DNAAF6: variants seen among roughly 807,000 people sequenced by gnomAD.
DNAAF6 encodes the protein PIH1 domain containing 3.
DNAAF6 carries 3 observed loss-of-function variants against 13.7 expected under a neutral mutation model. That is an observed-to-expected ratio of 0.22 (90% CI 0.10 to 0.56). The LOEUF (loss-of-function observed/expected upper bound fraction) is 0.56, where lower values mean the gene tolerates loss of function less well. Among genes scored for constraint, DNAAF6 ranks in the 20% least tolerant of loss-of-function variants. The probability of loss-of-function intolerance (pLI) is 0.92; values close to 1 mark genes in which losing one functional copy is unlikely to be tolerated. For synonymous variants in DNAAF6, 54 were observed against 49.2 expected (o/e 1.10, Z -0.41); for missense variants, 130 against 151.0 (o/e 0.86, Z 0.73).
At chrX:107,219,599 T>C (rs1424230797) in intron 4 of DNAAF6, among the ~76,000 whole-genome samples, 2 of 111,790 alleles carry the variant, frequency 1.8e-5, no homozygotes, top group African/African-American at 6.5e-5. Flanking sequence ...AATATATTTA[T>C]ATACATAGAT....
chrX:107,224,084 C>T (rs1313386319), intron 5 of DNAAF6, among the ~76,000 whole-genome samples: 1 of 111,233 alleles, frequency 9.0e-6, no homozygotes, highest in African/African-American at 3.3e-5. Flanking sequence ...ATCTTGGAAA[C>T]TAAATCATAC....
At chrX:107,242,620 A>G (rs898444222) in intron 6 of DNAAF6, among the ~76,000 whole-genome samples, 2 of 112,769 alleles carry the variant, frequency 1.8e-5, no homozygotes, top group Non-Finnish European at 3.8e-5. Context: ...AAACCTAGCA[A>G]TCTATCACAG....
intron 5 of DNAAF6, among the ~76,000 whole-genome samples, chrX:107,230,459 G>C (rs1928363134): frequency 9.0e-6 from 1 of 111,475 alleles, no homozygotes. Flanking sequence ...GAGGCGGGTG[G>C]ATCACCTGAG....
In DNAAF6 at chrX:107,227,283, G is replaced by A. The variant is rs951977388; in HGVS notation, c.429+4442G>A. On this transcript the variant is annotated intron_variant, in intron 5 of 6. Transcript: ENST00000372453. ...ATTTTTGTATTTTTAGTAGAGATGG[G>A]GTTTCACCATGTTGGCCAGGCTGGT... Among the ~76,000 whole-genome samples, 15 of 110,834 alleles carry A rather than the reference G, an allele frequency of 1.4e-4. No individual in the cohort carries two copies. The Admixed American group carries it at 1.4e-3, about 11-fold the overall frequency.
chrX:107,238,818 T>C, intron 5 of DNAAF6, 104 bp from the exon 6 acceptor site: 10 of 1,112,006 alleles, frequency 9.0e-6, no homozygotes, highest in Non-Finnish European at 1.1e-5. Flanking sequence ...GCCTGGCACA[T>C]AGTTGACAAT....
At chrX:107,242,431 T>C (rs772403758) in intron 6 of DNAAF6, among the ~76,000 whole-genome samples, 24 of 112,412 alleles carry the variant, frequency 2.1e-4, no homozygotes, top group Non-Finnish European at 4.3e-4. Context: ...TCAGACCTTC[T>C]CTACTGAAAA....
chrX:107,207,897 C>T (rs775742704), intron 1 of DNAAF6, among the ~76,000 whole-genome samples: 1 of 110,861 alleles, frequency 9.0e-6, no homozygotes, highest in Non-Finnish European at 1.9e-5. Flanking sequence ...CTAGCCTGGG[C>T]GACAGAGTGA....
Position 107,243,056 on chromosome X carries a change from T to TG in DNAAF6, c.516-104dup, listed in dbSNP as rs373519426. 0.19 allele frequency: 135,099 copies of TG among 720,123 alleles called. 9,468 individuals are homozygous for TG. The highest frequency in any genetic ancestry group is 0.48 in the African/African-American group (19,467 of 40,899). 59.3% of individuals were successfully genotyped at this position (720,123 alleles called of 1,213,427 possible). ...TCCAATATTTACACTATCTAAATAT[T>TG]GGGGGGGGGTTGTTTTCTAACACTC... On this transcript the variant is annotated intron_variant, in intron 6 of 6. Coordinates refer to ENST00000372453, the MANE Select transcript of DNAAF6 (RefSeq NM_173494.2).
At position 107,229,294 on chromosome X, in the gene DNAAF6, C is replaced by T. The variant is rs181851057; in HGVS notation, c.429+6453C>T. Among the ~76,000 whole-genome samples the T allele has an allele frequency of 6.5e-3, 700 of 107,223 alleles. 18 individuals are homozygous for T. Among genetic ancestry groups the T allele is most frequent in the Admixed American group, 0.062 (613 of 9,955 alleles). The allele number at this position is 107,223 out of a possible 115,157, so 93.1% of individuals were successfully genotyped here. On this transcript the variant is annotated intron_variant, in intron 5 of 6. Coordinates refer to ENST00000372453, the MANE Select transcript of DNAAF6 (RefSeq NM_173494.2). ...CTAGGACAACAGGCACGCGCCACTACGCCTGGCTAATTTTCATATTTTTAG... is the reference window on the plus strand; with the variant it reads ...CTAGGACAACAGGCACGCGCCACTATGCCTGGCTAATTTTCATATTTTTAG...
intron 5 of DNAAF6, among the ~76,000 whole-genome samples, chrX:107,234,996 C>T (rs889823854): frequency 8.9e-6 from 1 of 111,834 alleles, no homozygotes; most frequent in Non-Finnish European, 1.9e-5. Flanking sequence ...TTGAAACTCA[C>T]AATAATAATC....
intron 5 of DNAAF6, among the ~76,000 whole-genome samples, chrX:107,235,456 G>A (rs952652358): frequency 9.0e-6 from 1 of 111,128 alleles, no homozygotes; most frequent in South Asian, 3.9e-4. Flanking sequence ...TCTAAAAAAG[G>A]CATTGCTTCT....
chrX:107,231,248 A>C (rs1405140680), intron 5 of DNAAF6, among the ~76,000 whole-genome samples: 1 of 111,742 alleles, frequency 8.9e-6, no homozygotes, highest in East Asian at 2.8e-4. Flanking sequence ...TTTCTCACTT[A>C]TTTGTGGGAT....
rs1040586293 is a variant in DNAAF6, at chrX:107,217,174, A to G, written c.226+431A>G. Among the ~76,000 whole-genome samples, 5 of 112,048 alleles carry G rather than the reference A, an allele frequency of 4.5e-5. No homozygotes were observed. The East Asian group carries it at 1.1e-3, about 25-fold the overall frequency. ...CTGCAGGTAAATAGTTTTTCTAATAATGGAAATATATTTGCCTTGAATTAT... is the reference window on the plus strand; with the variant it reads ...CTGCAGGTAAATAGTTTTTCTAATAGTGGAAATATATTTGCCTTGAATTAT... On this transcript the variant is annotated intron_variant, in intron 3 of 6. Transcript: ENST00000372453.
chrX:107,210,886 A>C (rs1927841068), intron 1 of DNAAF6, among the ~76,000 whole-genome samples: 1 of 111,878 alleles, frequency 8.9e-6, no homozygotes, highest in South Asian at 3.7e-4. Flanking sequence ...AGGGAAGGAC[A>C]GAAAATTACG....
At chrX:107,243,028 T>G in intron 6 of DNAAF6, 141 bp from the exon 7 acceptor site, 1 of 644,865 alleles carries the variant, frequency 1.6e-6, no homozygotes, top group Non-Finnish European at 2.3e-6. Context: ...GGCATATTTT[T>G]GATCCAATAT....
intron 5 of DNAAF6, among the ~76,000 whole-genome samples, chrX:107,227,386 G>A (rs921969719): frequency 8.9e-6 from 1 of 111,798 alleles, no homozygotes; most frequent in Non-Finnish European, 1.9e-5. Flanking sequence ...CACCGTGCCT[G>A]GCCTATATTT....
chrX:107,219,134 G>A (rs960346420), intron 4 of DNAAF6, among the ~76,000 whole-genome samples, 165 bp downstream of exon 4: 2 of 111,924 alleles, frequency 1.8e-5, no homozygotes, highest in Non-Finnish European at 3.8e-5. Context: ...TCCTTCTAGA[G>A]CAGAAACAAA....
chrX:107,214,907 G>A (rs1047829968), intron 2 of DNAAF6, among the ~76,000 whole-genome samples: 10 of 111,658 alleles, frequency 9.0e-5, no homozygotes, highest in African/African-American at 3.2e-4. Flanking sequence ...GACTTGTTAA[G>A]AATCTGGGAG....
In DNAAF6 at chrX:107,216,736, G is replaced by A. The variant is rs758563383; in HGVS notation, c.219G>A (p.Glu73=). ...PGNIGPPQIE[E]LKVIPETSEE... ...ATATTGGACCACCCCAAATAGAAGA[G>A]CTCAAAGGTAAGTTATTTAACAAAG... Residue 73 remains glutamate, a synonymous_variant, in exon 3 of 7, where the codon GAG becomes GAA. Transcript: ENST00000372453. 8.4e-7 allele frequency: 1 copy of A among 1,183,667 alleles called. No homozygotes were observed.
Sources: allele counts gnomAD v4.1 joint callset (sites outside exome capture counted in the v4.1 genomes callset), GRCh38; gene constraint gnomAD v4.1.1; transcripts MANE v1.5; gene names NCBI Gene and HGNC (gene_info 2026-07-23, HGNC 2026-07-21).